Variants in LRP1B observed in about 807,000 individuals in gnomAD.
The protein encoded by LRP1B is LDL receptor related protein 1B, also known as low-density lipoprotein receptor-related protein 1B.
A neutral mutation model predicts 556.6 loss-of-function variants in LRP1B; 217 were observed. The observed-to-expected ratio is 0.39, with a 90% CI of 0.35 to 0.44. The LOEUF is 0.44. Ranked by LOEUF, LRP1B falls within the 20% of genes least tolerant of loss-of-function variation. The pLI is 1.00. For missense variants in LRP1B, 5,053 were observed against 5,620.8 expected (o/e 0.90, Z 3.23); for synonymous variants, 2,047 against 1,865.8 (o/e 1.10, Z -2.50).
intron 2 of LRP1B, among the ~76,000 whole-genome samples, chr2:141,693,093 T>C (rs1162428911): frequency 6.6e-6 from 1 of 152,048 alleles, no homozygotes; most frequent in Non-Finnish European, 1.5e-5. Context: ...GGTCACGCAT[T>C]TACCAGACTA....
At chr2:140,589,888 G>A (rs1682146096) in intron 43 of LRP1B, among the ~76,000 whole-genome samples, 1 of 152,102 alleles carries the variant, frequency 6.6e-6, no homozygotes, top group African/African-American at 2.4e-5. Context: ...ATGCAAAAAA[G>A]CAACATGTGG....
intron 35 of LRP1B, among the ~76,000 whole-genome samples, chr2:140,745,248 G>T (rs1688277124): frequency 6.6e-6 from 1 of 152,076 alleles, no homozygotes; most frequent in Non-Finnish European, 1.5e-5. Context: ...AGAGTATGTA[G>T]AGATTTTTCA....
At chr2:141,144,844 A>G (rs545008464) in intron 7 of LRP1B, among the ~76,000 whole-genome samples, 3 of 152,220 alleles carry the variant, frequency 2.0e-5, no homozygotes, top group Non-Finnish European at 4.4e-5. Flanking sequence ...TTATAATTAC[A>G]TCTTCATTGT....
chr2:141,821,633 T>C (rs553376834), intron 1 of LRP1B, among the ~76,000 whole-genome samples: 1 of 152,202 alleles, frequency 6.6e-6, no homozygotes, highest in African/African-American at 2.4e-5. Flanking sequence ...ATGTTTTTAT[T>C]CTTGGGAGAT....
At chr2:141,974,535 G>A (rs1027926847) in intron 1 of LRP1B, among the ~76,000 whole-genome samples, 5 of 151,974 alleles carry the variant, frequency 3.3e-5, no homozygotes, top group African/African-American at 9.7e-5. Context: ...AGTATGGTAG[G>A]AAAGGAGAAA....
At chr2:140,371,570 C>A (rs1374142244) in intron 69 of LRP1B, among the ~76,000 whole-genome samples, 1 of 150,794 alleles carries the variant, frequency 6.6e-6, no homozygotes, top group Non-Finnish European at 1.5e-5. Flanking sequence ...AACAAACAAA[C>A]CTTGATATCC....
chr2:142,045,503 T>C (rs1038551550), intron 1 of LRP1B, among the ~76,000 whole-genome samples: 23 of 151,838 alleles, frequency 1.5e-4, no homozygotes, highest in Admixed American at 1.1e-3. Flanking sequence ...ATAGACATTG[T>C]TATATAGGAA....
At chr2:141,832,345 A>C (rs1195455944) in intron 1 of LRP1B, among the ~76,000 whole-genome samples, 1 of 150,692 alleles carries the variant, frequency 6.6e-6, no homozygotes. Flanking sequence ...ACACACACAC[A>C]CACACACACA....
At chr2:140,612,457 C>G (rs1489526104) in intron 41 of LRP1B, among the ~76,000 whole-genome samples, 2 of 152,094 alleles carry the variant, frequency 1.3e-5, no homozygotes, top group East Asian at 3.8e-4. Context: ...TTCTTAATGA[C>G]TTAAATTTGA....
intron 1 of LRP1B, among the ~76,000 whole-genome samples, chr2:142,043,942 G>A (rs1457170627): frequency 1.3e-5 from 2 of 151,594 alleles, no homozygotes; most frequent in Non-Finnish European, 3.0e-5. Context: ...CCATAGCCTG[G>A]ACAATTTGTG....
At chr2:141,608,250 T>A (rs1302117479) in intron 2 of LRP1B, among the ~76,000 whole-genome samples, 1 of 152,098 alleles carries the variant, frequency 6.6e-6, no homozygotes, top group African/African-American at 2.4e-5. Flanking sequence ...AGAAATAATT[T>A]GTTTAATAAA....
chr2:142,041,798 G>C (rs544832487), intron 1 of LRP1B, among the ~76,000 whole-genome samples: 5 of 151,428 alleles, frequency 3.3e-5, no homozygotes, highest in African/African-American at 4.8e-5. Context: ...AATCCAAAAG[G>C]TTACTTTTGC....
chr2:141,959,416 T>C (rs937898306), intron 1 of LRP1B, among the ~76,000 whole-genome samples: 2 of 151,978 alleles, frequency 1.3e-5, no homozygotes, highest in African/African-American at 4.8e-5. Flanking sequence ...TCCTGGTGAC[T>C]GTTCGCTGTG....
chr2:141,042,630 A>G (rs1481948338), intron 11 of LRP1B, among the ~76,000 whole-genome samples: 1 of 152,066 alleles, frequency 6.6e-6, no homozygotes, highest in East Asian at 1.9e-4. Flanking sequence ...CTGAGTCTCA[A>G]TTTCCAATCT....
chr2:141,102,683 C>G (rs946929987), intron 7 of LRP1B, among the ~76,000 whole-genome samples: 10 of 152,112 alleles, frequency 6.6e-5, no homozygotes, highest in African/African-American at 2.4e-4. Context: ...AAAAAAGGTA[C>G]AACTATAACA....
intron 79 of LRP1B, among the ~76,000 whole-genome samples, chr2:140,333,424 T>C (rs1005681257): frequency 6.6e-6 from 1 of 152,076 alleles, no homozygotes; most frequent in Non-Finnish European, 1.5e-5. Context: ...TTTGGAACAA[T>C]TTCTGGCACA....
chr2:140,269,885 AAAAAT>A (rs1682381891), intron 86 of LRP1B, among the ~76,000 whole-genome samples: 2 of 151,982 alleles, frequency 1.3e-5, no homozygotes, highest in African/African-American at 4.8e-5. Flanking sequence ...TCTTGTGAAA[AAAAAT>A]GGCCATAAGT....
At chr2:141,093,964 G>A (rs774476525) in intron 7 of LRP1B, among the ~76,000 whole-genome samples, 12 of 152,000 alleles carry the variant, frequency 7.9e-5, no homozygotes, top group Non-Finnish European at 1.6e-4. Context: ...TGATCCGCCC[G>A]CCTTAGCCTC....
At position 141,752,698 on chromosome 2, in the gene LRP1B, G is replaced by A. The variant is rs1490305436; in HGVS notation, c.205+57581C>T. 2.0e-5 allele frequency among the ~76,000 whole-genome samples: 3 copies of A among 151,528 alleles called. 1 individual carries two copies. In the East Asian group the frequency reaches 5.8e-4, roughly 29 times the overall value. On this transcript the variant is annotated intron_variant, in intron 2 of 90. Transcript: ENST00000389484. The stretch of plus-strand genomic sequence containing the variant: ...TATAGTTGTGGTGATGGTAAGGAGG[G>A]TGGGGAGGCGAGGTGGGTCAGCCAT...
Sources: gnomAD v4.1 joint callset for allele counts (sites outside exome capture counted in the v4.1 genomes callset) on GRCh38, gnomAD v4.1.1 for gene constraint, MANE v1.5 for transcripts, NCBI Gene and HGNC (gene_info 2026-07-23, HGNC 2026-07-21) for gene names.